The following ZDHHC7 variants were observed in gnomAD, a reference collection of about 807,000 sequenced individuals.
ZDHHC7 encodes the protein zDHHC palmitoyltransferase 7.
In ZDHHC7, 12 loss-of-function variants were observed where a neutral mutation model predicts 34.1. The observed-to-expected ratio is 0.35, with a 90% CI of 0.23 to 0.57. The LOEUF is 0.57. ZDHHC7 is among the 20% of genes least tolerant of loss of function. ZDHHC7 has a pLI of 0.84. For missense variants in ZDHHC7, 388 were observed against 402.7 expected, an observed-to-expected ratio of 0.96 and a Z score of 0.31; for synonymous variants, 185 against 155.4, an observed-to-expected ratio of 1.19 and a Z score of -1.42.
intron 1 of ZDHHC7, among the ~76,000 whole-genome samples, chr16:84,999,459 A>G (rs112070215): frequency 9.6e-4 from 146 of 152,280 alleles, no homozygotes; most frequent in Middle Eastern, 3.4e-3. Context: ...CAAACTGAAA[A>G]CAACCCAAAC....
At position 85,011,363 on chromosome 16, in the gene ZDHHC7, A is replaced by C. The variant is rs1226706299; in HGVS notation, c.-181T>G. The C allele has an allele frequency of 7.2e-5, 11 of 152,450 alleles. No individual in the cohort carries two copies. In the South Asian group the frequency reaches 1.1e-3, roughly 15 times the overall value. The allele number at this position is 152,450 out of a possible 1,614,324, so 9.4% of individuals were successfully genotyped here. A position where few individuals can be genotyped will look rare whatever the true frequency, so the allele number is the denominator to read the frequency against. On this transcript the variant is annotated 5_prime_UTR_variant, in exon 1 of 8. Coordinates refer to ENST00000313732, the MANE Select transcript of ZDHHC7 (RefSeq NM_017740.3). ...GCGGCGGCGGCGACTGCAGCGGCCG[A>C]GGCAGGGACGCATCATGCGGCCGCG...
chr16:85,023,708 T>A, the ZDHHC7 span, among the ~76,000 whole-genome samples: 6 of 152,290 alleles, frequency 3.9e-5, no homozygotes, highest in East Asian at 7.7e-4. Context: ...AACCTTGACC[T>A]CCCAGGCTCA....
chr16:85,010,053 T>TTTG (rs990263278), intron 1 of ZDHHC7, among the ~76,000 whole-genome samples: 1 of 151,040 alleles, frequency 6.6e-6, no homozygotes, highest in African/African-American at 2.4e-5. Flanking sequence ...GACTTTTTTT[T>TTTG]TTTTTTTGAG....
At chr16:85,022,438 A>G in the ZDHHC7 span, among the ~76,000 whole-genome samples, 2 of 151,362 alleles carry the variant, frequency 1.3e-5, no homozygotes, top group Non-Finnish European at 2.9e-5. Flanking sequence ...CAGGAGAATC[A>G]CTTGAACGTG....
intron 1 of ZDHHC7, among the ~76,000 whole-genome samples, chr16:85,003,634 C>T (rs1401658354): frequency 6.6e-6 from 1 of 152,140 alleles, no homozygotes; most frequent in Non-Finnish European, 1.5e-5. Flanking sequence ...AATATTAACC[C>T]AACTCAAGCC....
At chr16:85,007,700 G>C (rs942978992) in intron 1 of ZDHHC7, among the ~76,000 whole-genome samples, 1 of 152,008 alleles carries the variant, frequency 6.6e-6, no homozygotes. Flanking sequence ...TTAGTTAAAA[G>C]GGAACTAAGG....
chr16:85,022,410 C>G, the ZDHHC7 span, among the ~76,000 whole-genome samples: 1 of 152,030 alleles, frequency 6.6e-6, no homozygotes, highest in Admixed American at 6.6e-5. Context: ...GTAATCCCAG[C>G]TACTTGGGAG....
intron 1 of ZDHHC7, among the ~76,000 whole-genome samples, chr16:84,997,507 G>A (rs893774791): frequency 2.0e-5 from 3 of 150,098 alleles, no homozygotes; most frequent in South Asian, 2.1e-4. Flanking sequence ...TCCTGACCTC[G>A]TGATCCGCCC....
intron 1 of ZDHHC7, among the ~76,000 whole-genome samples, chr16:85,008,249 C>G (rs1421636682): frequency 6.6e-6 from 1 of 152,058 alleles, no homozygotes; most frequent in Non-Finnish European, 1.5e-5. Context: ...TATCTGGGAA[C>G]TAATATCAAC....
At chr16:84,989,252 A>G (rs1486148701) in intron 3 of ZDHHC7, among the ~76,000 whole-genome samples, 4 of 152,224 alleles carry the variant, frequency 2.6e-5, no homozygotes, top group Non-Finnish European at 5.9e-5. Context: ...TCCCATTCCC[A>G]GGACAGCTGC....
At chr16:85,025,193 G>A in the ZDHHC7 span, among the ~76,000 whole-genome samples, 3 of 151,978 alleles carry the variant, frequency 2.0e-5, no homozygotes, top group East Asian at 1.9e-4. Context: ...CAAGAGAATC[G>A]CTTGAATTCA....
chr16:85,004,032 A>C (rs2072686152), intron 1 of ZDHHC7, among the ~76,000 whole-genome samples: 1 of 152,114 alleles, frequency 6.6e-6, no homozygotes, highest in Non-Finnish European at 1.5e-5. Flanking sequence ...AAGTTTAAAC[A>C]AAAAAAGATA....
chr16:84,991,015 T>A (rs2072503007), intron 2 of ZDHHC7, among the ~76,000 whole-genome samples: 1 of 152,192 alleles, frequency 6.6e-6, no homozygotes, highest in Admixed American at 6.5e-5. Context: ...CACCTGTTCC[T>A]GCTCTGCTCA....
chr16:84,992,359 G>C (rs1395227569), intron 2 of ZDHHC7, among the ~76,000 whole-genome samples: 1 of 151,262 alleles, frequency 6.6e-6, no homozygotes, highest in Non-Finnish European at 1.5e-5. Flanking sequence ...TGTAATCCCA[G>C]CTACTCAGGA....
chr16:85,019,719 A>G, the ZDHHC7 span, among the ~76,000 whole-genome samples: 1 of 152,200 alleles, frequency 6.6e-6, no homozygotes, highest in Non-Finnish European at 1.5e-5. Context: ...CTCTGTCTCC[A>G]ATAAATAAAT....
the ZDHHC7 span, among the ~76,000 whole-genome samples, chr16:85,016,974 C>G: frequency 6.6e-6 from 1 of 151,420 alleles, no homozygotes; most frequent in African/African-American, 2.4e-5. Flanking sequence ...GAGTTTTCAC[C>G]CTTATTGCCC....
intron 3 of ZDHHC7, among the ~76,000 whole-genome samples, chr16:84,986,843 G>C (rs576653535): frequency 6.6e-6 from 1 of 152,314 alleles, no homozygotes; most frequent in East Asian, 1.9e-4. Context: ...CAGTTCAGAG[G>C]TGATGTGATG....
At position 84,981,744 on chromosome 16, in the gene ZDHHC7, C is replaced by T. The variant is rs1015693322; in HGVS notation, c.440+126G>A. On this transcript the variant is annotated intron_variant, in intron 4 of 7. Coordinates refer to ENST00000313732, the MANE Select transcript of ZDHHC7 (RefSeq NM_017740.3). ...AGAACATGACACCTACGGCCCCGCC[C>T]GTACAACGTTGCCCAGATGCTCGGG... is the stretch of plus-strand genomic sequence containing the variant. The T allele has an allele frequency of 9.0e-6, 14 of 1,553,614 alleles. No individual in the cohort carries two copies. In the East Asian group the frequency reaches 1.1e-4, roughly 13 times the overall value.
chr16:84,982,826 G>A (rs965700871), intron 3 of ZDHHC7, among the ~76,000 whole-genome samples: 8 of 152,238 alleles, frequency 5.3e-5, no homozygotes, highest in African/African-American at 1.9e-4. Flanking sequence ...ATGAGCAATG[G>A]CGAAGCAGCG....
Sources: allele counts gnomAD v4.1 joint callset (sites outside exome capture counted in the v4.1 genomes callset), GRCh38; gene constraint gnomAD v4.1.1; transcripts MANE v1.5; gene names NCBI Gene and HGNC (gene_info 2026-07-23, HGNC 2026-07-21).